SLC9A2: variants seen among roughly 807,000 people sequenced by gnomAD.
The protein encoded by SLC9A2 is solute carrier family 9 member A2.
Under a neutral mutation model 71.7 loss-of-function variants are expected in SLC9A2, and 42 were observed. That is an observed-to-expected ratio of 0.59 (90% confidence interval 0.46 to 0.76). SLC9A2 has a LOEUF of 0.76. SLC9A2 is among the 30% of genes least tolerant of loss of function. SLC9A2 has a pLI of 0.00. For synonymous variants in SLC9A2, 396 were observed against 392.5 expected (o/e 1.01, Z -0.10); for missense variants, 829 against 1,017.4 (o/e 0.81, Z 2.52).
intron 1 of SLC9A2, among the ~76,000 whole-genome samples, chr2:102,634,886 T>C (rs1676438206): frequency 6.6e-6 from 1 of 152,108 alleles, no homozygotes. Flanking sequence ...AGACTCCCTA[T>C]AAGAGTAGGC....
At chr2:102,677,098 T>C (rs927214393) in intron 3 of SLC9A2, among the ~76,000 whole-genome samples, 2 of 152,196 alleles carry the variant, frequency 1.3e-5, no homozygotes, top group African/African-American at 4.8e-5. Flanking sequence ...GCACAGACCA[T>C]GCTAAGCATT....
intron 1 of SLC9A2, among the ~76,000 whole-genome samples, chr2:102,635,952 C>G (rs1411633814): frequency 6.6e-6 from 1 of 151,556 alleles, no homozygotes; most frequent in Non-Finnish European, 1.5e-5. Context: ...TTTGAAGCCA[C>G]TAAAACCAGG....
intron 1 of SLC9A2, among the ~76,000 whole-genome samples, chr2:102,630,543 A>G (rs1420805997): frequency 6.6e-6 from 1 of 151,524 alleles, no homozygotes; most frequent in Admixed American, 6.6e-5. Flanking sequence ...GATTTACTTT[A>G]TTTTTCTTGC....
chr2:102,679,840 T>C (rs1392559922), intron 3 of SLC9A2, among the ~76,000 whole-genome samples: 1 of 152,196 alleles, frequency 6.6e-6, no homozygotes, highest in East Asian at 1.9e-4. Context: ...ACACTATTCA[T>C]CAACCTTTTA....
intron 11 of SLC9A2, among the ~76,000 whole-genome samples, chr2:102,707,167 G>A (rs975492180): frequency 1.3e-5 from 2 of 152,114 alleles, no homozygotes; most frequent in Admixed American, 1.3e-4. Context: ...CACTACTTGG[G>A]TGATGGGATT....
At chr2:102,701,432 G>A (rs58526657) in intron 8 of SLC9A2, among the ~76,000 whole-genome samples, 2,738 of 152,186 alleles carry the variant, frequency 0.018, 68 homozygotes, top group African/African-American at 0.062. Flanking sequence ...ATAAAGGTTA[G>A]GTTCCTTTGA....
At chr2:102,686,134 C>T (rs1677541628) in intron 5 of SLC9A2, among the ~76,000 whole-genome samples, 1 of 152,170 alleles carries the variant, frequency 6.6e-6, no homozygotes, top group Admixed American at 6.5e-5. Context: ...TGATGCAAAT[C>T]TGAGCATCTT....
In SLC9A2 at chr2:102,639,898, C is replaced by T. The variant is rs72828018; in HGVS notation, c.290-17666C>T. 8.5e-4 allele frequency among the ~76,000 whole-genome samples: 129 copies of T among 152,190 alleles called. 2 individuals carry two copies. The South Asian group carries it at 0.016, about 19-fold the overall frequency. ...AAATTGAGACAAACATAGAAATGAC[C>T]GGTAGTAATAAAAGCATAAACCTCC... is the stretch of plus-strand genomic sequence containing the variant. On this transcript the variant is annotated intron_variant, in intron 1 of 11. Coordinates refer to ENST00000233969, the MANE Select transcript of SLC9A2 (RefSeq NM_003048.6).
chr2:102,657,969 A>G lies in SLC9A2; in HGVS notation c.695A>G (p.Asn232Ser), dbSNP rs1336087660. 1.2e-6 allele frequency: 2 copies of G among 1,613,974 alleles called. No individual in the cohort carries two copies. The highest frequency in any genetic ancestry group is 8.5e-7 in the Non-Finnish European group (1 of 1,180,012). ...VLAVFENIHV[N>S]EQLYILVFGE... ...GCTGTCTTTGAGAACATTCACGTCA[A>G]TGAGCAGCTCTACATCCTGGTCTTT... The change falls in exon 2 of 12, where the codon AAT (asparagine) becomes AGT (serine). Residue 232 changes from asparagine to serine, a missense_variant. This residue lies in a region of SLC9A2 where 500 missense variants were observed against 726.3 expected (regional missense o/e 0.69). Coordinates refer to ENST00000233969, the MANE Select transcript of SLC9A2 (RefSeq NM_003048.6).
chr2:102,647,478 C>T (rs1676749563), intron 1 of SLC9A2, among the ~76,000 whole-genome samples: 1 of 151,976 alleles, frequency 6.6e-6, no homozygotes, highest in African/African-American at 2.4e-5. Flanking sequence ...TAGCAGAAGA[C>T]AAGAAATAAC....
chr2:102,677,287 C>T (rs748928979), intron 3 of SLC9A2, among the ~76,000 whole-genome samples: 2 of 150,258 alleles, frequency 1.3e-5, no homozygotes, highest in South Asian at 2.1e-4. Flanking sequence ...TCCACCCACC[C>T]TCCCCAGGGG....
In SLC9A2 at chr2:102,679,514, TG is replaced by T. The variant is rs1441902954; in HGVS notation, c.1005-3744del. Among the ~76,000 whole-genome samples the T allele has an allele frequency of 2.3e-4, 35 of 152,154 alleles. 1 individual carries two copies. The highest frequency in any genetic ancestry group is 2.9e-5 in the Non-Finnish European group (2 of 67,984). On this transcript the variant is annotated intron_variant, in intron 3 of 11. Coordinates refer to ENST00000233969, the MANE Select transcript of SLC9A2 (RefSeq NM_003048.6). ...CTTCTGCCTCAGCCTCCCAAGTAGC[TG>T]GGACTACAGGTGTCCGCCACCACAC...
intron 1 of SLC9A2, among the ~76,000 whole-genome samples, chr2:102,636,104 G>A (rs562410329): frequency 1.3e-5 from 2 of 152,136 alleles, no homozygotes; most frequent in South Asian, 4.1e-4. Flanking sequence ...AGAACTATAT[G>A]GAACTGTAAG....
Position 102,683,349 on chromosome 2 carries a change from A to T in SLC9A2, c.1093A>T (p.Met365Leu). 6.2e-7 allele frequency: 1 copy of T among 1,614,066 alleles called. No homozygotes were observed. The change falls in exon 4 of 12, where the codon ATG (methionine) becomes TTG (leucine). Residue 365 changes from methionine to leucine, a missense_variant. Around this residue, in one of 3 missense-constraint regions of SLC9A2, gnomAD observed 500 missense variants for 726.3 expected, o/e 0.69. Transcript: ENST00000233969. ...SYTTIKYFMK[M>L]LSSVSETLIF... ...CACGACCATCAAGTACTTCATGAAG[A>T]TGCTGAGCAGTGTCAGCGAAACCTT... is the stretch of plus-strand genomic sequence containing the variant.
chr2:102,619,743 C>G lies in SLC9A2; in HGVS notation c.-106C>G. The G allele has an allele frequency of 9.2e-7, 1 of 1,081,336 alleles. No individual in the cohort carries two copies. The highest frequency in any genetic ancestry group is 1.2e-6 in the Non-Finnish European group (1 of 805,868). The allele number at this position is 1,081,336 out of a possible 1,614,324, so 67.0% of individuals were successfully genotyped here. ...GCAGCGGCGGGTGGCTGTCGCTGCC[C>G]TGCCCTGCACGGGGCAGGGCGGAGC... is the stretch of plus-strand genomic sequence containing the variant. On this transcript the variant is annotated 5_prime_UTR_variant, in exon 1 of 12. Transcript: ENST00000233969. This position sits in a 1 kb window ranked among gnomAD's most constrained non-coding sequence, Gnocchi z 4.3.
At chr2:102,703,722 T>C (rs1362956167) in intron 9 of SLC9A2, among the ~76,000 whole-genome samples, 1 of 152,230 alleles carries the variant, frequency 6.6e-6, no homozygotes, top group Non-Finnish European at 1.5e-5. Flanking sequence ...GAAGTACATG[T>C]TTATTCTATC....
intron 5 of SLC9A2, among the ~76,000 whole-genome samples, chr2:102,693,454 G>A (rs1677700902): frequency 6.6e-6 from 1 of 152,172 alleles, no homozygotes; most frequent in African/African-American, 2.4e-5. Flanking sequence ...ATTTTTAAGT[G>A]ATATGTTCAC....
chr2:102,700,431 A>G (rs1677851573), intron 7 of SLC9A2, among the ~76,000 whole-genome samples: 1 of 152,178 alleles, frequency 6.6e-6, no homozygotes, highest in Non-Finnish European at 1.5e-5. Flanking sequence ...AACAAAACTG[A>G]GAGGGAGGGT....
intron 7 of SLC9A2, among the ~76,000 whole-genome samples, chr2:102,695,624 C>T (rs923623209): frequency 6.6e-6 from 1 of 151,510 alleles, no homozygotes; most frequent in Non-Finnish European, 1.5e-5. Flanking sequence ...GCAAAGCAGG[C>T]TGAGGAATGC....
Sources: allele counts gnomAD v4.1 joint callset (sites outside exome capture counted in the v4.1 genomes callset), GRCh38; gene constraint gnomAD v4.1.1; regional missense constraint gnomAD v4.1.1; non-coding constraint Gnocchi (gnomAD v3.1); transcripts MANE v1.5; gene names NCBI Gene and HGNC (gene_info 2026-07-23, HGNC 2026-07-21).